ZNF362: variants seen among roughly 807,000 people sequenced by gnomAD.
The protein encoded by ZNF362 is zinc finger protein 362, also known as rotund homolog.
ZNF362 carries 11 observed loss-of-function variants against 42.9 expected under a neutral mutation model. That is an observed-to-expected ratio of 0.26 (90% CI 0.16 to 0.42). ZNF362 has a LOEUF of 0.42. Among genes scored for constraint, ZNF362 ranks in the 20% least tolerant of loss-of-function variants. ZNF362 has a pLI of 1.00. For missense variants in ZNF362, 362 were observed against 576.2 expected, an observed-to-expected ratio of 0.63 and a Z score of 3.81; for synonymous variants, 255 against 257.3, an observed-to-expected ratio of 0.99 and a Z score of 0.09.
chr1:33,182,853 T>C, the ZNF362 span, among the ~76,000 whole-genome samples: 1 of 151,916 alleles, frequency 6.6e-6, no homozygotes, highest in Admixed American at 6.6e-5. Flanking sequence ...CTGGAGGGCA[T>C]TGTGGGTCAT....
chr1:33,141,301 C>T, the ZNF362 span, among the ~76,000 whole-genome samples: 5 of 152,100 alleles, frequency 3.3e-5, no homozygotes, highest in Non-Finnish European at 1.5e-5. Context: ...CCCTTCCAGC[C>T]TGGCCTGTGT....
At position 33,294,251 on chromosome 1, in the gene ZNF362, C is replaced by A. The variant is rs1646101045; in HGVS notation, c.909-686C>A. On this transcript the variant is annotated intron_variant, in intron 6 of 8. Transcript: ENST00000539719. This position sits in a 1 kb window ranked among gnomAD's most constrained non-coding sequence, Gnocchi z 4.2. ...TTCACAAAGCCCGATGAGATAGGAA[C>A]TGTATTTTTATACCCATTTTGCAGA... Among the ~76,000 whole-genome samples the A allele has an allele frequency of 6.6e-6, 1 of 152,224 alleles. No homozygotes were observed. The highest frequency in any genetic ancestry group is 2.1e-4 in the South Asian group (1 of 4,836).
At chr1:33,201,915 A>G in the ZNF362 span, among the ~76,000 whole-genome samples, 1 of 152,232 alleles carries the variant, frequency 6.6e-6, no homozygotes. Context: ...TTATTTCAAT[A>G]CCAAGAATGA....
chr1:33,220,812 G>A, the ZNF362 span, among the ~76,000 whole-genome samples: 2 of 152,168 alleles, frequency 1.3e-5, no homozygotes, highest in Non-Finnish European at 2.9e-5. Context: ...GCAACCCAGC[G>A]GGTGTGGGTA....
chr1:33,189,661 A>ATG, the ZNF362 span, among the ~76,000 whole-genome samples: 285 of 19,944 alleles, frequency 0.014, 3 homozygotes, highest in South Asian at 0.024. Context: ...ATATATATAT[A>ATG]TATATATATA....
At chr1:33,282,822 CAA>C (rs1646005629) in intron 6 of ZNF362, among the ~76,000 whole-genome samples, 5 of 78,900 alleles carry the variant, frequency 6.3e-5, no homozygotes, top group South Asian at 4.4e-4. Flanking sequence ...AACTCTGTCT[CAA>C]GAGAAAAAAA....
At chr1:33,136,289 C>CCTTT in the ZNF362 span, among the ~76,000 whole-genome samples, 1 of 149,646 alleles carries the variant, frequency 6.7e-6, no homozygotes, top group East Asian at 2.0e-4. Context: ...CTCTTCCTTT[C>CCTTT]CTTTCTTTCT....
chr1:33,198,201 C>T, the ZNF362 span, among the ~76,000 whole-genome samples: 1 of 152,108 alleles, frequency 6.6e-6, no homozygotes, highest in Non-Finnish European at 1.5e-5. Flanking sequence ...CAGAAAAATA[C>T]TATGTATAAA....
At chr1:33,165,612 C>T in the ZNF362 span, 3 of 1,524,190 alleles carry the variant, frequency 2.0e-6, no homozygotes, top group Admixed American at 1.9e-5. This position sits in a 1 kb window ranked among gnomAD's most constrained non-coding sequence, Gnocchi z 4.0. Flanking sequence ...CCATGCCTGG[C>T]CCAGGCATTC....
At chr1:33,239,782 A>G in the ZNF362 span, among the ~76,000 whole-genome samples, 1 of 152,206 alleles carries the variant, frequency 6.6e-6, no homozygotes, top group Non-Finnish European at 1.5e-5. Flanking sequence ...ATTCAAGGTG[A>G]GATTTGGGTG....
chr1:33,263,413 A>AT (rs1215525000), intron 1 of ZNF362, among the ~76,000 whole-genome samples: 323 of 144,250 alleles, frequency 2.2e-3, no homozygotes, highest in Middle Eastern at 0.011. Flanking sequence ...ACAAATGATG[A>AT]TTTTTTTTTT....
chr1:33,191,988 A>G, the ZNF362 span, among the ~76,000 whole-genome samples: 2 of 152,338 alleles, frequency 1.3e-5, no homozygotes, highest in African/African-American at 2.4e-5. Context: ...GAAGCCTATT[A>G]TCCTCTAGCA....
At chr1:33,168,538 G>A in the ZNF362 span, among the ~76,000 whole-genome samples, 1 of 152,164 alleles carries the variant, frequency 6.6e-6, no homozygotes, top group African/African-American at 2.4e-5. Context: ...GCAACCTGCC[G>A]CAGCACACCC....
At chr1:33,154,373 C>T in the ZNF362 span, among the ~76,000 whole-genome samples, 1 of 152,238 alleles carries the variant, frequency 6.6e-6, no homozygotes, top group Non-Finnish European at 1.5e-5. Flanking sequence ...CTCGGAGAGG[C>T]AGTCCAGGCA....
At chr1:33,176,820 A>G in the ZNF362 span, among the ~76,000 whole-genome samples, 1 of 152,246 alleles carries the variant, frequency 6.6e-6, no homozygotes, top group Non-Finnish European at 1.5e-5. Flanking sequence ...CAGTAGAAGA[A>G]ATAGATAACA....
chr1:33,299,215 G>A lies in ZNF362; in HGVS notation c.*169G>A. 1 of 598,650 alleles carries A rather than the reference G, an allele frequency of 1.7e-6. No individual in the cohort carries two copies. Among genetic ancestry groups the A allele is most frequent in the South Asian group, 2.0e-5 (1 of 50,066 alleles). 37.1% of individuals were successfully genotyped at this position (598,650 alleles called of 1,614,324 possible). A position where few individuals can be genotyped will look rare whatever the true frequency, so the allele number is the denominator to read the frequency against. On this transcript the variant is annotated 3_prime_UTR_variant, in exon 9 of 9. Transcript: ENST00000539719. Reference sequence around the variant, plus strand: ...AAGCCCTGCCTGGTCCAGTCCGGGGGCGGCCAGGCCAACTGCAAGATTCTG... The same window carrying A: ...AAGCCCTGCCTGGTCCAGTCCGGGGACGGCCAGGCCAACTGCAAGATTCTG...
chr1:33,165,632 C>T, the ZNF362 span: 2 of 1,396,618 alleles, frequency 1.4e-6, no homozygotes, highest in East Asian at 5.2e-5. The surrounding 1 kb of genome is among the most constrained non-coding windows in gnomAD (Gnocchi z 4.0). Flanking sequence ...CAGCCCTGAC[C>T]ACTGCCAGGC....
the ZNF362 span, among the ~76,000 whole-genome samples, chr1:33,131,875 G>T: frequency 3.3e-5 from 5 of 152,146 alleles, 1 homozygote; most frequent in South Asian, 1.0e-3. Context: ...GTTAATGAAA[G>T]GTTTGTTTTT....
chr1:33,185,283 G>A, the ZNF362 span, among the ~76,000 whole-genome samples: 1 of 151,126 alleles, frequency 6.6e-6, no homozygotes, highest in Non-Finnish European at 1.5e-5. Context: ...GTGAAGTGGT[G>A]CAATCTTGGC....
Sources: gnomAD v4.1 joint callset for allele counts (sites outside exome capture counted in the v4.1 genomes callset) on GRCh38, gnomAD v4.1.1 for gene constraint, Gnocchi (gnomAD v3.1) non-coding constraint, MANE v1.5 for transcripts, NCBI Gene and HGNC (gene_info 2026-07-23, HGNC 2026-07-21) for gene names.